The following GRIN2B variants were observed in gnomAD, a reference collection of about 807,000 sequenced individuals.
GRIN2B encodes the protein glutamate ionotropic receptor NMDA type subunit 2B, also known as glutamate receptor ionotropic, NMDA 2B.
A neutral mutation model predicts 114.5 loss-of-function variants in GRIN2B; 5 were observed. The observed-to-expected ratio is 0.04, with a 90% confidence interval of 0.02 to 0.09. GRIN2B has a LOEUF of 0.09. Among genes scored for constraint, GRIN2B ranks in the 10% least tolerant of loss-of-function variants. GRIN2B has a pLI of 1.00. For missense variants in GRIN2B, 1,108 were observed against 1,943.5 expected (o/e 0.57, Z 8.08); for synonymous variants, 787 against 745.1 (o/e 1.06, Z -0.92).
rs929202761 is a variant in GRIN2B at position 13,611,219 on chromosome 12, C to T, written c.1780+506G>A. On this transcript the variant is annotated intron_variant, in intron 9 of 13. Transcript: ENST00000609686. ...TTCCAACACCCAACTTTTATACTCT[C>T]GGGCAAGGGGGTTGAACCAGGGGCA... is the stretch of plus-strand genomic sequence containing the variant. Among the ~76,000 whole-genome samples the T allele has an allele frequency of 3.9e-5, 6 of 152,126 alleles. No individual in the cohort carries two copies. The East Asian group carries it at 5.8e-4, about 15-fold the overall frequency.
In GRIN2B at chr12:13,541,268, A is replaced by G. The variant is rs1191520335; in HGVS notation, c.*21515T>C. 6.6e-6 allele frequency: 1 copy of G among 152,220 alleles called. No homozygotes were observed. The highest frequency in any genetic ancestry group is 1.5e-5 in the Non-Finnish European group (1 of 68,052). 9.4% of individuals were successfully genotyped at this position (152,220 alleles called of 1,614,324 possible). A position where few individuals can be genotyped will look rare whatever the true frequency, so the allele number is the denominator to read the frequency against. On this transcript the variant is annotated 3_prime_UTR_variant, in exon 14 of 14. Coordinates refer to ENST00000609686, the MANE Select transcript of GRIN2B (RefSeq NM_000834.5). ...TTAATGCTGGGATAGTCACTGGGTA[A>G]CAAAGCTCCCATAAATCTATTCCCT...
At chr12:13,944,993 A>C (rs1242288456) in intron 2 of GRIN2B, among the ~76,000 whole-genome samples, 1 of 152,184 alleles carries the variant, frequency 6.6e-6, no homozygotes, top group Non-Finnish European at 1.5e-5. Flanking sequence ...ATTCCAGTAA[A>C]CCATGAGTTG....
chr12:13,975,945 A>C (rs1198165193), intron 2 of GRIN2B, among the ~76,000 whole-genome samples: 1 of 152,242 alleles, frequency 6.6e-6, no homozygotes, highest in African/African-American at 2.4e-5. Flanking sequence ...TGAAAGTACT[A>C]GGAAGTGAAA....
intron 3 of GRIN2B, among the ~76,000 whole-genome samples, chr12:13,789,872 G>T (rs1458515815): frequency 6.6e-6 from 1 of 152,106 alleles, no homozygotes; most frequent in Non-Finnish European, 1.5e-5. Context: ...GCAATCTTTT[G>T]CTCCTCTAGC....
chr12:13,886,689 C>T (rs556908011), intron 2 of GRIN2B, among the ~76,000 whole-genome samples: 2 of 152,262 alleles, frequency 1.3e-5, no homozygotes, highest in African/African-American at 4.8e-5. Flanking sequence ...AATACTCACC[C>T]ACCACCCTCC....
At chr12:13,897,666 T>A (rs200405401) in intron 2 of GRIN2B, among the ~76,000 whole-genome samples, 1 of 152,124 alleles carries the variant, frequency 6.6e-6, no homozygotes, top group African/African-American at 2.4e-5. Flanking sequence ...AAAATAAGAA[T>A]GTTGTATTAG....
intron 4 of GRIN2B, among the ~76,000 whole-genome samples, chr12:13,719,937 C>T (rs541614082): frequency 2.3e-4 from 35 of 152,082 alleles, no homozygotes; most frequent in African/African-American, 7.9e-4. Context: ...ACTTCCAGTC[C>T]AGCTACCTTG....
At chr12:13,787,302 A>T (rs1198766001) in intron 3 of GRIN2B, among the ~76,000 whole-genome samples, 1 of 152,234 alleles carries the variant, frequency 6.6e-6, no homozygotes, top group African/African-American at 2.4e-5. Flanking sequence ...ATCATCAGAA[A>T]AGGTGAAGAT....
At chr12:13,756,035 C>T (rs531079474) in intron 3 of GRIN2B, among the ~76,000 whole-genome samples, 29 of 148,644 alleles carry the variant, frequency 2.0e-4, no homozygotes, top group African/African-American at 6.8e-4. Context: ...TCTTTTTTAT[C>T]CCCCCAGAGT....
At chr12:13,681,827 G>T (rs4764025) in intron 4 of GRIN2B, among the ~76,000 whole-genome samples, 51,322 of 151,932 alleles carry the variant, frequency 0.34, 8,997 homozygotes, top group African/African-American at 0.42. Context: ...ACTGTTCTTA[G>T]TAATATTGCT....
intron 9 of GRIN2B, among the ~76,000 whole-genome samples, chr12:13,611,139 G>A (rs1043199039): frequency 1.3e-5 from 2 of 152,146 alleles, no homozygotes; most frequent in Non-Finnish European, 2.9e-5. Context: ...CCAGGAAATT[G>A]GACCATACCC....
chr12:13,646,602 G>A (rs1485069102), intron 5 of GRIN2B, among the ~76,000 whole-genome samples: 1 of 152,066 alleles, frequency 6.6e-6, no homozygotes, highest in African/African-American at 2.4e-5. Context: ...ATTATGTCAT[G>A]TTATATAAGC....
chr12:13,615,692 C>CA lies in GRIN2B; in HGVS notation c.1329-29dup. 1.1e-5 allele frequency: 18 copies of CA among 1,603,498 alleles called. No individual in the cohort carries two copies. The highest frequency in any genetic ancestry group is 1.5e-5 in the Non-Finnish European group (17 of 1,170,560). On this transcript the variant is annotated intron_variant, in intron 6 of 13. Coordinates refer to ENST00000609686, the MANE Select transcript of GRIN2B (RefSeq NM_000834.5). The surrounding 1 kb of genome is among the most constrained non-coding windows in gnomAD (Gnocchi z 5.8). ...AGCCAATTAAAGAAACAAAAACAAA[C>CA]AAACAAAAAAGTCTTTGTACAAAAA...
intron 10 of GRIN2B, among the ~76,000 whole-genome samples, chr12:13,581,876 C>A (rs1322656841): frequency 6.7e-6 from 1 of 149,232 alleles, no homozygotes; most frequent in African/African-American, 2.5e-5. Flanking sequence ...TGTCACTGCA[C>A]TCCACCCTGG....
chr12:13,566,941 T>C, intron 13 of GRIN2B, 84 bp downstream of exon 13: 3 of 904,548 alleles, frequency 3.3e-6, no homozygotes, highest in South Asian at 2.6e-5. Context: ...GTGGAGATAG[T>C]GTCCTCTTGG....
At position 13,547,409 on chromosome 12, in the gene GRIN2B, A is replaced by C. The variant is rs1437477699; in HGVS notation, c.*15374T>G. On this transcript the variant is annotated 3_prime_UTR_variant, in exon 14 of 14. Transcript: ENST00000609686. Reference sequence around the variant, plus strand: ...AGGAAAGGGGTGATCATGTGTCTCAAAGAAGAGATAACTTTGAGGGAGAGG... The same window carrying C: ...AGGAAAGGGGTGATCATGTGTCTCACAGAAGAGATAACTTTGAGGGAGAGG... The C allele has an allele frequency of 6.6e-6, 1 of 152,204 alleles. No homozygotes were observed. The highest frequency in any genetic ancestry group is 1.5e-5 in the Non-Finnish European group (1 of 68,036). The allele number at this position is 152,204 out of a possible 1,614,324, so 9.4% of individuals were successfully genotyped here.
intron 10 of GRIN2B, among the ~76,000 whole-genome samples, chr12:13,581,494 A>C (rs868611968): frequency 1.7e-4 from 11 of 66,496 alleles, no homozygotes; most frequent in African/African-American, 4.9e-4. Flanking sequence ...CAGTGGGAGA[A>C]GAAGAAGGTC....
At chr12:13,928,771 A>C (rs1866965446) in intron 2 of GRIN2B, among the ~76,000 whole-genome samples, 1 of 152,222 alleles carries the variant, frequency 6.6e-6, no homozygotes, top group Non-Finnish European at 1.5e-5. Flanking sequence ...TCAAACTGCA[A>C]AGGGTAAGGC....
intron 2 of GRIN2B, among the ~76,000 whole-genome samples, chr12:13,910,269 C>G (rs1866608034): frequency 6.6e-6 from 1 of 152,118 alleles, no homozygotes; most frequent in South Asian, 2.1e-4. Flanking sequence ...TCTTATAAAA[C>G]TGATAGGACA....
Sources: gnomAD v4.1 joint callset for allele counts (sites outside exome capture counted in the v4.1 genomes callset) on GRCh38, gnomAD v4.1.1 for gene constraint, Gnocchi (gnomAD v3.1) non-coding constraint, MANE v1.5 for transcripts, NCBI Gene and HGNC (gene_info 2026-07-23, HGNC 2026-07-21) for gene names.